The following DNM3 variants were observed in gnomAD, a reference collection of about 807,000 sequenced individuals.
DNM3 encodes the protein dynamin-3.
Under a neutral mutation model 101.6 loss-of-function variants are expected in DNM3, and 47 were observed. The ratio of observed to expected loss-of-function variants is 0.46; its 90% CI spans 0.37 to 0.59. The LOEUF (loss-of-function observed/expected upper bound fraction) is 0.59. Among genes scored for constraint, DNM3 ranks in the 20% least tolerant of loss-of-function variants. The pLI is 0.00. For missense variants in DNM3, 849 were observed against 1,085.7 expected, an observed-to-expected ratio of 0.78 and a Z score of 3.06; for synonymous variants, 385 against 387.9, an observed-to-expected ratio of 0.99 and a Z score of 0.09.
chr1:172,006,586 A>G (rs1371420656), intron 4 of DNM3, among the ~76,000 whole-genome samples: 9 of 151,952 alleles, frequency 5.9e-5, no homozygotes, highest in Non-Finnish European at 8.8e-5. Flanking sequence ...TCTTAAATCT[A>G]TTTTATTTAT....
chr1:172,298,534 G>C (rs1573353138), intron 15 of DNM3, among the ~76,000 whole-genome samples: 1 of 152,110 alleles, frequency 6.6e-6, no homozygotes, highest in East Asian at 1.9e-4. Flanking sequence ...GATGTTTGCT[G>C]GTTCTTGTCC....
intron 2 of DNM3, among the ~76,000 whole-genome samples, chr1:171,957,519 C>A (rs2042945740): frequency 6.6e-6 from 1 of 152,112 alleles, no homozygotes; most frequent in Non-Finnish European, 1.5e-5. Flanking sequence ...TTTTCTATTG[C>A]ATCATCAGGC....
At chr1:172,374,690 T>C (rs1355713794) in intron 17 of DNM3, among the ~76,000 whole-genome samples, 1 of 152,114 alleles carries the variant, frequency 6.6e-6, no homozygotes, top group Non-Finnish European at 1.5e-5. Context: ...TGTAGTTTAT[T>C]ATGACGGCCC....
rs867645143 is a variant in DNM3 at position 171,989,284 on chromosome 1, A to G, written c.589+136A>G. 64 of 519,568 alleles carry G rather than the reference A, an allele frequency of 1.2e-4. 1 individual carries two copies. The highest frequency in any genetic ancestry group is 1.1e-3 in the African/African-American group (54 of 50,584). The allele number at this position is 519,568 out of a possible 1,614,324, so 32.2% of individuals were successfully genotyped here. A position where few individuals can be genotyped will look rare whatever the true frequency, so the allele number is the denominator to read the frequency against. On this transcript the variant is annotated intron_variant, in intron 4 of 20. Transcript: ENST00000627582. ...TTATTAATGTTGTTAAACCTTTTGT[A>G]TTTTAAATAGAAAATTCAGTATTTA...
intron 10 of DNM3, among the ~76,000 whole-genome samples, chr1:172,049,260 T>C (rs939680025): frequency 2.0e-5 from 3 of 152,220 alleles, no homozygotes; most frequent in African/African-American, 7.2e-5. Context: ...ACTTTCTGTG[T>C]GACCTTGGGC....
At chr1:171,930,347 GACAGTC>G (rs1293162971) in intron 2 of DNM3, among the ~76,000 whole-genome samples, 1 of 152,152 alleles carries the variant, frequency 6.6e-6, no homozygotes, top group Non-Finnish European at 1.5e-5. Context: ...GGGGCCTGCA[GACAGTC>G]ACTTCTCAGC....
chr1:172,258,914 C>T (rs2062530452), intron 15 of DNM3, among the ~76,000 whole-genome samples: 1 of 151,386 alleles, frequency 6.6e-6, no homozygotes, highest in South Asian at 2.1e-4. Flanking sequence ...GCACTGTTTT[C>T]ACTTTATTTC....
chr1:172,164,227 C>CTTTTTT (rs1165249284), intron 14 of DNM3, among the ~76,000 whole-genome samples: 14 of 102,520 alleles, frequency 1.4e-4, no homozygotes, highest in African/African-American at 6.1e-4. Flanking sequence ...ATTTTCTTTT[C>CTTTTTT]TTTTCTTTTT....
intron 2 of DNM3, among the ~76,000 whole-genome samples, chr1:171,930,670 G>A (rs553239058): frequency 1.3e-5 from 2 of 152,264 alleles, no homozygotes; most frequent in South Asian, 4.2e-4. Context: ...CTGGCTCTGT[G>A]TTGATCCCAG....
Position 172,311,613 on chromosome 1 carries a change from C to G in DNM3, c.1881+2774C>G, listed in dbSNP as rs74685534. Among the ~76,000 whole-genome samples the G allele has an allele frequency of 6.7e-3, 1,016 of 152,236 alleles. 9 individuals are homozygous for G. The highest frequency in any genetic ancestry group is 0.023 in the African/African-American group (963 of 41,540). On this transcript the variant is annotated intron_variant, in intron 16 of 20. Transcript: ENST00000627582. ...CCTGTCTCAGAAACAAAAACAAAAA[C>G]TTTCAATGAATCTCTTATGAGGGAA...
chr1:172,314,014 G>A (rs938389145), intron 16 of DNM3, among the ~76,000 whole-genome samples: 2 of 151,092 alleles, frequency 1.3e-5, no homozygotes, highest in Non-Finnish European at 2.9e-5. Context: ...TGGTGGGAGT[G>A]TAAATTAGTT....
rs551575995 is a variant in DNM3 at position 172,230,884 on chromosome 1, C to T, written c.1660-22689C>T. 3.9e-5 allele frequency among the ~76,000 whole-genome samples: 6 copies of T among 152,134 alleles called. No homozygotes were observed. In the South Asian group the frequency reaches 1.0e-3, roughly 26 times the overall value. On this transcript the variant is annotated intron_variant, in intron 14 of 20. Transcript: ENST00000627582. ...ATAACATTACATTTTCCTGGTTTTT[C>T]CCATTCTACTTACTTAGTCCCCTTT... is the stretch of plus-strand genomic sequence containing the variant.
intron 1 of DNM3, among the ~76,000 whole-genome samples, chr1:171,897,034 C>T (rs1263309297): frequency 6.6e-6 from 1 of 151,944 alleles, no homozygotes; most frequent in Non-Finnish European, 1.5e-5. Context: ...ACATCTTCTA[C>T]ATGAAACAGG....
chr1:172,013,891 T>G (rs2047282773), intron 4 of DNM3, among the ~76,000 whole-genome samples: 1 of 152,112 alleles, frequency 6.6e-6, no homozygotes. Flanking sequence ...CCACATACTT[T>G]ACAGGTATTA....
chr1:172,352,373 A>G (rs1383966150), intron 17 of DNM3, among the ~76,000 whole-genome samples: 1 of 152,000 alleles, frequency 6.6e-6, no homozygotes, highest in Non-Finnish European at 1.5e-5. Context: ...TTTTTATATG[A>G]GTGTTAACTG....
At chr1:172,149,888 G>T (rs2058064257) in intron 14 of DNM3, among the ~76,000 whole-genome samples, 1 of 152,024 alleles carries the variant, frequency 6.6e-6, no homozygotes, top group Non-Finnish European at 1.5e-5. Context: ...TAAGCATAAT[G>T]GCTACAAGGA....
At chr1:172,010,671 C>G (rs1247481921) in intron 4 of DNM3, among the ~76,000 whole-genome samples, 2 of 56,332 alleles carry the variant, frequency 3.6e-5, no homozygotes, top group African/African-American at 8.5e-5. Context: ...TATGGTGTGC[C>G]TTGGTATGTT....
chr1:171,989,304 T>C (rs1047902295), intron 4 of DNM3, among the ~76,000 whole-genome samples, 156 bp downstream of exon 4: 9 of 151,928 alleles, frequency 5.9e-5, no homozygotes, highest in Admixed American at 5.9e-4. Context: ...GAAAATTCAG[T>C]ATTTAATATT....
At chr1:172,415,805 C>T (rs145987266), downstream of DNM3, among the ~76,000 whole-genome samples, 629 of 152,204 alleles carry the variant, frequency 4.1e-3, 4 homozygotes, top group African/African-American at 0.013. Context: ...GCTGGGATTA[C>T]AGGCATGAGC....
Sources: gnomAD v4.1 joint callset for allele counts (sites outside exome capture counted in the v4.1 genomes callset) on GRCh38, gnomAD v4.1.1 for gene constraint, MANE v1.5 for transcripts, NCBI Gene and HGNC (gene_info 2026-07-23, HGNC 2026-07-21) for gene names.